FHIT: variants seen among roughly 807,000 people sequenced by gnomAD.
The protein encoded by FHIT is bis(5'-adenosyl)-triphosphatase.
A neutral mutation model predicts 17.9 loss-of-function variants in FHIT; 19 were observed. The ratio of observed to expected loss-of-function variants is 1.06; its 90% CI spans 0.74 to 1.56. The LOEUF (loss-of-function observed/expected upper bound fraction) is 1.56, where lower values mean the gene tolerates loss of function less well. Among genes scored for constraint, FHIT ranks in the 40% most tolerant of loss-of-function variants. The pLI, the probability that FHIT is intolerant of heterozygous loss-of-function variation, is 0.00. For missense variants in FHIT, 248 were observed against 189.2 expected (o/e 1.31, Z -1.82); for synonymous variants, 81 against 69.7 (o/e 1.16, Z -0.81).
intron 8 of FHIT, among the ~76,000 whole-genome samples, chr3:59,875,945 A>AG (rs1481053310): frequency 7.6e-6 from 1 of 131,784 alleles, no homozygotes; most frequent in Non-Finnish European, 1.6e-5. Context: ...TGATAAAAAA[A>AG]GAAAAAAAAA....
chr3:59,849,551 C>T (rs1294311798), intron 8 of FHIT, among the ~76,000 whole-genome samples: 1 of 152,154 alleles, frequency 6.6e-6, no homozygotes, highest in East Asian at 1.9e-4. Context: ...TATACAGCCT[C>T]CAACCCACAA....
chr3:60,092,084 C>T (rs17310854), intron 5 of FHIT, among the ~76,000 whole-genome samples: 5,008 of 152,170 alleles, frequency 0.033, 114 homozygotes, highest in Non-Finnish European at 0.043. Flanking sequence ...AGGAATAGTA[C>T]GACAATAATC....
intron 4 of FHIT, among the ~76,000 whole-genome samples, chr3:60,754,173 T>C (rs916553602): frequency 2.0e-5 from 3 of 152,094 alleles, no homozygotes; most frequent in South Asian, 4.1e-4. Context: ...TCCAATAATA[T>C]CAAAACAAAG....
chr3:61,115,902 C>T (rs533526096), intron 2 of FHIT, among the ~76,000 whole-genome samples: 3 of 152,196 alleles, frequency 2.0e-5, no homozygotes, highest in Admixed American at 1.3e-4. Flanking sequence ...GGACTGAGAC[C>T]GTCTCCCAAA....
chr3:59,994,815 G>A (rs1699437379), intron 7 of FHIT, among the ~76,000 whole-genome samples: 1 of 152,112 alleles, frequency 6.6e-6, no homozygotes. Flanking sequence ...ATAAAGCTCA[G>A]AACGTGACAT....
chr3:60,037,791 G>A (rs978961709), intron 5 of FHIT, among the ~76,000 whole-genome samples: 2 of 151,358 alleles, frequency 1.3e-5, no homozygotes, highest in Admixed American at 6.6e-5. Flanking sequence ...TCGGCTCACT[G>A]CAACCTCTGC....
At chr3:61,000,567 C>G (rs2031003320) in intron 3 of FHIT, among the ~76,000 whole-genome samples, 1 of 152,120 alleles carries the variant, frequency 6.6e-6, no homozygotes, top group African/African-American at 2.4e-5. Flanking sequence ...TCATTTTTCT[C>G]TACTCCTTCC....
At chr3:59,989,148 C>T (rs1433536923) in intron 7 of FHIT, among the ~76,000 whole-genome samples, 1 of 151,988 alleles carries the variant, frequency 6.6e-6, no homozygotes, top group Non-Finnish European at 1.5e-5. Flanking sequence ...TATCTGGCTT[C>T]CAATGGCAGA....
chr3:60,645,603 T>C (rs782654897), intron 4 of FHIT, among the ~76,000 whole-genome samples: 8 of 152,162 alleles, frequency 5.3e-5, no homozygotes, highest in Non-Finnish European at 8.8e-5. Flanking sequence ...ACAAAAGCCA[T>C]GGACCAGGAT....
chr3:60,679,569 A>G (rs182631064), intron 4 of FHIT, among the ~76,000 whole-genome samples: 2 of 152,246 alleles, frequency 1.3e-5, no homozygotes, highest in East Asian at 3.9e-4. Context: ...TTAAAACACT[A>G]CCTTATGTTC....
At chr3:61,196,338 A>G (rs2106645430) in intron 2 of FHIT, among the ~76,000 whole-genome samples, 1 of 152,324 alleles carries the variant, frequency 6.6e-6, no homozygotes, top group African/African-American at 2.4e-5. Context: ...AAAATGTAAA[A>G]GGTAATTTGT....
chr3:60,703,464 A>T (rs1163879637), intron 4 of FHIT, among the ~76,000 whole-genome samples: 1 of 152,248 alleles, frequency 6.6e-6, no homozygotes, highest in Admixed American at 6.5e-5. Flanking sequence ...AATTAATGGT[A>T]TAAAGTTCCA....
intron 5 of FHIT, among the ~76,000 whole-genome samples, chr3:60,512,298 C>T (rs74872194): frequency 0.045 from 6,818 of 152,216 alleles, 295 homozygotes; most frequent in African/African-American, 0.11. Context: ...CAGTAACAGC[C>T]CTTTATTGCT....
At chr3:60,729,272 T>C (rs2041979714) in intron 4 of FHIT, among the ~76,000 whole-genome samples, 1 of 152,166 alleles carries the variant, frequency 6.6e-6, no homozygotes, top group Non-Finnish European at 1.5e-5. Context: ...AGAAAGTGGA[T>C]GCGCCAGTGT....
chr3:60,150,882 G>A (rs1263326914), intron 5 of FHIT, among the ~76,000 whole-genome samples: 1 of 151,030 alleles, frequency 6.6e-6, no homozygotes, highest in Admixed American at 6.6e-5. Flanking sequence ...TTGTGCCACT[G>A]CACTACAGCC....
chr3:60,585,730 C>G (rs1325014986), intron 4 of FHIT, among the ~76,000 whole-genome samples: 1 of 151,952 alleles, frequency 6.6e-6, no homozygotes, highest in African/African-American at 2.4e-5. Flanking sequence ...TTGATCTGTT[C>G]ATAAGTCATA....
intron 4 of FHIT, among the ~76,000 whole-genome samples, chr3:60,671,030 T>C (rs2040491969): frequency 6.6e-6 from 1 of 152,172 alleles, no homozygotes; most frequent in African/African-American, 2.4e-5. Context: ...CTTTTCACTG[T>C]AGGCATGAAC....
At chr3:60,187,768 G>T (rs764109850) in intron 5 of FHIT, among the ~76,000 whole-genome samples, 3 of 152,138 alleles carry the variant, frequency 2.0e-5, no homozygotes, top group Non-Finnish European at 4.4e-5. Context: ...TTTAAGAAGA[G>T]AATTGTGCTC....
At chr3:61,078,088 G>A (rs992478886) in intron 2 of FHIT, among the ~76,000 whole-genome samples, 16 of 152,074 alleles carry the variant, frequency 1.1e-4, no homozygotes, top group Non-Finnish European at 1.0e-4. Context: ...CAGGGCCAGC[G>A]GGCAGTTGCT....
Sources: allele counts gnomAD v4.1 joint callset (sites outside exome capture counted in the v4.1 genomes callset), GRCh38; gene constraint gnomAD v4.1.1; transcripts MANE v1.5; gene names NCBI Gene and HGNC (gene_info 2026-07-23, HGNC 2026-07-21).